Variants in TYW1B observed in about 807,000 individuals in gnomAD.
TYW1B encodes the protein tRNA-yW synthesizing protein 1 homolog B.
A neutral mutation model predicts 86.9 loss-of-function variants in TYW1B; 73 were observed. The ratio of observed to expected loss-of-function variants is 0.84; its 90% confidence interval spans 0.70 to 1.02. The LOEUF (loss-of-function observed/expected upper bound fraction) is 1.02. Among genes scored for constraint, TYW1B ranks in the 50% least tolerant of loss-of-function variants. TYW1B has a pLI of 0.00. For synonymous variants in TYW1B, 248 were observed against 292.8 expected (o/e 0.85, Z 1.56); for missense variants, 637 against 827.4 (o/e 0.77, Z 2.82).
chr7:72,786,766 G>T (rs1788137490), intron 6 of TYW1B, among the ~76,000 whole-genome samples: 1 of 151,696 alleles, frequency 6.6e-6, no homozygotes, highest in Non-Finnish European at 1.5e-5. Flanking sequence ...GTAGAGACAG[G>T]GTTTCGTCAT....
rs368215055 is a variant in TYW1B at position 72,595,903 on chromosome 7, C to T, written c.1786-20184G>A. Reference sequence around the variant, plus strand: ...TTAAGATGTCAACACTGGCCGGGCACGGTGGCTCACACCTGTAATCCCAGC... The same window carrying T: ...TTAAGATGTCAACACTGGCCGGGCATGGTGGCTCACACCTGTAATCCCAGC... On this transcript the variant is annotated intron_variant, in intron 13 of 13. Coordinates refer to ENST00000620995, the MANE Select transcript of TYW1B (RefSeq NM_001145440.3). 5.7e-4 allele frequency among the ~76,000 whole-genome samples: 86 copies of T among 152,074 alleles called. 1 individual carries two copies. The East Asian group carries it at 0.012, about 21-fold the overall frequency.
chr7:72,705,700 C>T (rs1554453529), intron 10 of TYW1B, among the ~76,000 whole-genome samples: 1 of 152,176 alleles, frequency 6.6e-6, no homozygotes, highest in Non-Finnish European at 1.5e-5. Context: ...ACTCTGAACT[C>T]TGGCACACTC....
chr7:72,744,019 A>AACACTC (rs1423988311), intron 8 of TYW1B, among the ~76,000 whole-genome samples: 4 of 150,866 alleles, frequency 2.7e-5, no homozygotes, highest in Non-Finnish European at 5.9e-5. Flanking sequence ...GCTGAAACAC[A>AACACTC]ACATTCACTG....
intron 11 of TYW1B, among the ~76,000 whole-genome samples, chr7:72,667,031 C>CAAAAAAAAAAAAAAAAAAAAAAA (rs60691255): frequency 2.4e-5 from 1 of 42,374 alleles, no homozygotes; most frequent in Non-Finnish European, 3.8e-5. Flanking sequence ...GACTCCGTCT[C>CAAAAAAAAAAAAAAAAAAAAAAA]AAAAAAAAAA....
chr7:72,623,824 T>TA (rs1228549308), intron 12 of TYW1B, among the ~76,000 whole-genome samples: 2 of 152,264 alleles, frequency 1.3e-5, no homozygotes, highest in East Asian at 1.9e-4. Flanking sequence ...TTTTTTGAGA[T>TA]AGAGTCTTGC....
At chr7:72,608,374 A>G (rs1554435255) in intron 13 of TYW1B, among the ~76,000 whole-genome samples, 1 of 152,240 alleles carries the variant, frequency 6.6e-6, no homozygotes, top group African/African-American at 2.4e-5. Context: ...TGGGTGCAGG[A>G]AACACCTAAG....
At chr7:72,646,801 C>T (rs1184014138) in intron 11 of TYW1B, among the ~76,000 whole-genome samples, 2 of 152,214 alleles carry the variant, frequency 1.3e-5, no homozygotes, top group African/African-American at 4.8e-5. Context: ...AAAATCAGAA[C>T]TGTAGAATGC....
At chr7:72,714,795 T>G (rs1233392657) in intron 9 of TYW1B, among the ~76,000 whole-genome samples, 1 of 152,152 alleles carries the variant, frequency 6.6e-6, no homozygotes, top group Admixed American at 6.5e-5. Flanking sequence ...CGGATGCCAG[T>G]AATCCCAGCT....
chr7:72,693,430 G>C lies in TYW1B; in HGVS notation c.1506+1257C>G, dbSNP rs1297827545. ...ACATCTTTTTTTTTTTTTTTTTTTAGATAGGGGTCTCACTGTCACCCACAC... is the reference window on the plus strand; with the variant it reads ...ACATCTTTTTTTTTTTTTTTTTTTACATAGGGGTCTCACTGTCACCCACAC... On this transcript the variant is annotated intron_variant, in intron 11 of 13. Coordinates refer to ENST00000620995, the MANE Select transcript of TYW1B (RefSeq NM_001145440.3). 2.7e-4 allele frequency among the ~76,000 whole-genome samples: 24 copies of C among 87,542 alleles called. 1 individual carries two copies. The highest frequency in any genetic ancestry group is 1.0e-3 in the African/African-American group (24 of 23,710). 57.4% of individuals were successfully genotyped at this position (87,542 alleles called of 152,430 possible). A position where few individuals can be genotyped will look rare whatever the true frequency, so the allele number is the denominator to read the frequency against.
intron 8 of TYW1B, among the ~76,000 whole-genome samples, chr7:72,734,883 G>A (rs1342817676): frequency 2.0e-5 from 3 of 152,160 alleles, no homozygotes; most frequent in African/African-American, 7.2e-5. Context: ...CTAATCATCA[G>A]AGAAATGCAA....
intron 7 of TYW1B, among the ~76,000 whole-genome samples, chr7:72,746,141 A>G (rs1787390199): frequency 6.6e-6 from 1 of 152,068 alleles, no homozygotes; most frequent in Admixed American, 6.6e-5. Flanking sequence ...TGTTATTAAT[A>G]TAAGCCTATC....
chr7:72,783,744 T>C (rs1288907619), intron 6 of TYW1B, among the ~76,000 whole-genome samples: 20 of 152,198 alleles, frequency 1.3e-4, no homozygotes, highest in Non-Finnish European at 2.6e-4. Flanking sequence ...GTAATTCTAT[T>C]TTGGATAACC....
At chr7:72,605,661 C>T (rs1196473937) in intron 13 of TYW1B, among the ~76,000 whole-genome samples, 1 of 151,912 alleles carries the variant, frequency 6.6e-6, no homozygotes, top group African/African-American at 2.4e-5. Context: ...CACATCTCTG[C>T]TTTTCAACAC....
intron 10 of TYW1B, among the ~76,000 whole-genome samples, chr7:72,703,018 ATATATATATT>A (rs1238822588): frequency 0.012 from 170 of 14,432 alleles, 1 homozygote; most frequent in Middle Eastern, 0.038. Flanking sequence ...ATATATATAT[ATATATATATT>A]TTTTTTTTTT....
intron 3 of TYW1B, among the ~76,000 whole-genome samples, chr7:72,811,677 T>C (rs1431845994): frequency 2.6e-5 from 4 of 151,870 alleles, no homozygotes; most frequent in Non-Finnish European, 5.9e-5. Context: ...TTTGGGAGGC[T>C]GAGGCGGGTG....
chr7:72,600,878 C>T (rs1285915111), intron 13 of TYW1B, among the ~76,000 whole-genome samples: 2 of 151,898 alleles, frequency 1.3e-5, no homozygotes, highest in Non-Finnish European at 2.9e-5. Flanking sequence ...AAAAAAGGGC[C>T]GGGCGTGGTG....
intron 7 of TYW1B, among the ~76,000 whole-genome samples, chr7:72,749,201 T>G (rs1418585936): frequency 1.3e-5 from 2 of 152,212 alleles, no homozygotes; most frequent in East Asian, 3.8e-4. Context: ...TTGCCAAATT[T>G]ATCAACATAA....
At chr7:72,731,393 C>CAAAAAA (rs59262388) in intron 8 of TYW1B, among the ~76,000 whole-genome samples, 4 of 33,062 alleles carry the variant, frequency 1.2e-4, no homozygotes, top group Admixed American at 4.4e-4. Flanking sequence ...TACCAAACTG[C>CAAAAAA]AAAAAAAAAA....
intron 13 of TYW1B, among the ~76,000 whole-genome samples, chr7:72,613,401 C>CTTTTTTTTTTTTTTT (rs71517349): frequency 1.2e-5 from 1 of 80,966 alleles, no homozygotes; most frequent in Non-Finnish European, 2.2e-5. Flanking sequence ...TTTATATCTT[C>CTTTTTTTTTTTTTTT]TTTTTTTTTT....
Sources: allele counts gnomAD v4.1 joint callset (sites outside exome capture counted in the v4.1 genomes callset), GRCh38; gene constraint gnomAD v4.1.1; transcripts MANE v1.5; gene names NCBI Gene and HGNC (gene_info 2026-07-23, HGNC 2026-07-21).